The following MYH15 variants were observed in gnomAD, a reference collection of about 807,000 sequenced individuals.
The protein encoded by MYH15 is myosin heavy chain 15, also known as myosin-15.
In MYH15, 227 loss-of-function variants were observed where a neutral mutation model predicts 240.5. That is an observed-to-expected ratio of 0.94 (90% confidence interval 0.85 to 1.05). The LOEUF is 1.05. MYH15 is among the 50% of genes least tolerant of loss of function. The pLI is 0.00. For synonymous variants in MYH15, 785 were observed against 796.7 expected, an observed-to-expected ratio of 0.99 and a Z score of 0.25; for missense variants, 2,217 against 2,247.5, an observed-to-expected ratio of 0.99 and a Z score of 0.27.
chr3:108,440,671 A>G (rs1199225458), intron 23 of MYH15, among the ~76,000 whole-genome samples: 1 of 149,190 alleles, frequency 6.7e-6, no homozygotes, highest in Non-Finnish European at 1.5e-5. Flanking sequence ...TCTTTTAGCA[A>G]ACCATATCAT....
At chr3:108,396,644 G>A (rs1037434016) in intron 35 of MYH15, among the ~76,000 whole-genome samples, 7 of 152,060 alleles carry the variant, frequency 4.6e-5, no homozygotes, top group Non-Finnish European at 1.0e-4. Flanking sequence ...AAAGTCTGTA[G>A]TCTATTTTAT....
chr3:108,412,737 C>A (rs2082604029), intron 30 of MYH15, among the ~76,000 whole-genome samples: 1 of 152,266 alleles, frequency 6.6e-6, no homozygotes, highest in South Asian at 2.1e-4. Context: ...AATTCAGAAG[C>A]AGTACAATGG....
At chr3:108,456,649 T>A in intron 19 of MYH15, 117 bp downstream of exon 19, 1 of 713,010 alleles carries the variant, frequency 1.4e-6, no homozygotes, top group East Asian at 2.5e-5. Context: ...CCAAAACACA[T>A]CGATTTGTAG....
chr3:108,550,375 A>G, the MYH15 span: 3 of 151,704 alleles, frequency 2.0e-5, no homozygotes, highest in East Asian at 5.8e-4. Context: ...CCTTATGTAA[A>G]TCATAAGAAA....
intron 20 of MYH15, among the ~76,000 whole-genome samples, chr3:108,454,625 TA>T (rs1365305119): frequency 1.3e-5 from 2 of 152,136 alleles, no homozygotes; most frequent in Non-Finnish European, 1.5e-5. Flanking sequence ...GGCCATATAT[TA>T]AAAAAACAGT....
At chr3:108,519,562 T>C (rs1576280722) in intron 1 of MYH15, among the ~76,000 whole-genome samples, 2 of 152,288 alleles carry the variant, frequency 1.3e-5, no homozygotes, top group South Asian at 2.1e-4. Context: ...ATACTGATGA[T>C]AGCTCTATGA....
chr3:108,488,990 T>C (rs1005401092), intron 9 of MYH15, among the ~76,000 whole-genome samples: 10 of 152,220 alleles, frequency 6.6e-5, no homozygotes, highest in African/African-American at 2.4e-4. Context: ...TCATTATGGT[T>C]TTTGCTTTGC....
chr3:108,472,895 A>T (rs1294214884), intron 12 of MYH15, among the ~76,000 whole-genome samples: 1 of 152,166 alleles, frequency 6.6e-6, no homozygotes, highest in East Asian at 1.9e-4. Context: ...GGTTAAATGC[A>T]CCCATTTCTT....
chr3:108,493,149 G>A lies in MYH15; in HGVS notation c.740C>T (p.Ala247Val). Residue 247 changes from alanine to valine, a missense_variant, in exon 8 of 41, where the codon GCC becomes GTC. Coordinates refer to ENST00000693548, the MANE Select transcript of MYH15 (RefSeq NM_014981.3). ...GTCCACAGATGACAGCATGCCTCTGGCACCAAAGTGCATCCTGATGAATTT... is the reference window on the plus strand; with the variant it reads ...GTCCACAGATGACAGCATGCCTCTGACACCAAAGTGCATCCTGATGAATTT... ...FGKFIRMHFG[A>V]RGMLSSVDID... 1 of 1,614,074 alleles carries A rather than the reference G, an allele frequency of 6.2e-7. No homozygotes were observed. The highest frequency in any genetic ancestry group is 1.1e-5 in the South Asian group (1 of 91,062).
intron 25 of MYH15, among the ~76,000 whole-genome samples, chr3:108,434,561 A>C (rs1258473999): frequency 1.1e-4 from 1 of 9,384 alleles, no homozygotes; most frequent in Admixed American, 1.7e-3. Flanking sequence ...TATTAATAAC[A>C]TATTAATTCA....
chr3:108,409,482 G>A (rs949294396), intron 31 of MYH15, among the ~76,000 whole-genome samples: 3 of 152,320 alleles, frequency 2.0e-5, no homozygotes, highest in Non-Finnish European at 4.4e-5. Flanking sequence ...CCAGCCATCT[G>A]TGCTTTAACA....
rs1300721221 is a variant in MYH15, at chr3:108,433,711, G to A, written c.3222-2789C>T. Among the ~76,000 whole-genome samples, 8 of 152,070 alleles carry A rather than the reference G, an allele frequency of 5.3e-5. No individual in the cohort carries two copies. In the South Asian group the frequency reaches 6.2e-4, roughly 12 times the overall value. ...CAAGTTCTCTCTGTTTTTGCCTGCCGCCATCCATATAAGATGTGACTTCCT... is the reference window on the plus strand; with the variant it reads ...CAAGTTCTCTCTGTTTTTGCCTGCCACCATCCATATAAGATGTGACTTCCT... On this transcript the variant is annotated intron_variant, in intron 25 of 40. Coordinates refer to ENST00000693548, the MANE Select transcript of MYH15 (RefSeq NM_014981.3).
chr3:108,492,764 T>C (rs2083361299), intron 8 of MYH15, among the ~76,000 whole-genome samples, 169 bp from the exon 9 acceptor site: 1 of 151,982 alleles, frequency 6.6e-6, no homozygotes, highest in African/African-American at 2.4e-5. Context: ...CTGTGCAACA[T>C]AGTGAGACCC....
intron 2 of MYH15, among the ~76,000 whole-genome samples, chr3:108,502,159 A>T (rs2083443602): frequency 6.6e-6 from 1 of 152,166 alleles, no homozygotes; most frequent in African/African-American, 2.4e-5. Flanking sequence ...CATGGATCAT[A>T]TTATGTACAA....
At chr3:108,507,981 C>T (rs1410880544) in intron 1 of MYH15, among the ~76,000 whole-genome samples, 2 of 152,176 alleles carry the variant, frequency 1.3e-5, no homozygotes, top group African/African-American at 2.4e-5. Context: ...CTGGCACAGT[C>T]TCTCTCCCTC....
chr3:108,510,609 A>G (rs918789375), upstream of MYH15: 1 of 1,594,394 alleles, frequency 6.3e-7, no homozygotes, highest in African/African-American at 1.4e-5. Context: ...AAATTGATAC[A>G]GAGAAGAAAA....
chr3:108,497,120 C>A (rs2083397302), intron 6 of MYH15, among the ~76,000 whole-genome samples: 1 of 135,310 alleles, frequency 7.4e-6, no homozygotes, highest in African/African-American at 2.8e-5. Context: ...GAGACAGCAC[C>A]ACTGCAGTCC....
At chr3:108,421,912 G>A (rs1279330205) in intron 27 of MYH15, among the ~76,000 whole-genome samples, 4 of 152,168 alleles carry the variant, frequency 2.6e-5, no homozygotes, top group Non-Finnish European at 5.9e-5. Context: ...TTTCATGCCT[G>A]GAGAAAAAGA....
chr3:108,488,399 C>T (rs559347906), intron 9 of MYH15, among the ~76,000 whole-genome samples: 1 of 152,254 alleles, frequency 6.6e-6, no homozygotes, highest in East Asian at 1.9e-4. Context: ...CCTCAATCTC[C>T]CAGGCTCAAG....
Sources: allele counts gnomAD v4.1 joint callset (sites outside exome capture counted in the v4.1 genomes callset), GRCh38; gene constraint gnomAD v4.1.1; transcripts MANE v1.5; gene names NCBI Gene and HGNC (gene_info 2026-07-23, HGNC 2026-07-21).